The following ADAMTS17 variants were observed in gnomAD, a reference collection of about 807,000 sequenced individuals.
ADAMTS17 encodes the protein ADAM metallopeptidase with thrombospondin type 1 motif 17.
In ADAMTS17, 113 loss-of-function variants were observed where a neutral mutation model predicts 141.5. That is an observed-to-expected ratio of 0.80 (90% CI 0.69 to 0.93). The LOEUF (loss-of-function observed/expected upper bound fraction) is 0.93. Ranked by LOEUF, ADAMTS17 falls within the 40% of genes least tolerant of loss-of-function variation. The probability of loss-of-function intolerance (pLI) is 0.00; values close to 1 mark genes in which losing one functional copy is unlikely to be tolerated. For missense variants in ADAMTS17, 1,659 were observed against 1,517.9 expected (o/e 1.09, Z -1.54); for synonymous variants, 768 against 630.6 (o/e 1.22, Z -3.27).
intron 12 of ADAMTS17, among the ~76,000 whole-genome samples, chr15:100,131,644 A>G (rs754399766): frequency 1.3e-5 from 2 of 152,212 alleles, no homozygotes; most frequent in Non-Finnish European, 2.9e-5. Context: ...ATGAACCACC[A>G]GGCTGCTCCC....
At chr15:100,051,351 C>CCTAGTG (rs2032126853) in intron 17 of ADAMTS17, among the ~76,000 whole-genome samples, 1 of 152,200 alleles carries the variant, frequency 6.6e-6, no homozygotes, top group Non-Finnish European at 1.5e-5. Context: ...CTGTGGGGCC[C>CCTAGTG]TGGGCCCCAG....
intron 18 of ADAMTS17, among the ~76,000 whole-genome samples, chr15:100,039,924 G>C (rs535628764): frequency 1.3e-5 from 2 of 152,218 alleles, no homozygotes; most frequent in African/African-American, 4.8e-5. Flanking sequence ...GTATCTTCCT[G>C]ATGGATTGCC....
At chr15:100,310,827 C>A (rs8030793) in intron 3 of ADAMTS17, among the ~76,000 whole-genome samples, 20,617 of 152,170 alleles carry the variant, frequency 0.14, 1,812 homozygotes, top group African/African-American at 0.25. Context: ...AAGGTACCAG[C>A]TCCTTCAGCC....
At chr15:100,208,252 C>T (rs983809036) in intron 7 of ADAMTS17, among the ~76,000 whole-genome samples, 1 of 152,228 alleles carries the variant, frequency 6.6e-6, no homozygotes, top group Non-Finnish European at 1.5e-5. Flanking sequence ...CGGCAACAGG[C>T]ATTCCGGGTG....
At position 99,993,340 on chromosome 15, in the gene ADAMTS17, TC is replaced by T; in HGVS notation, c.2797-141del. On this transcript the variant is annotated intron_variant, in intron 19 of 21. Transcript: ENST00000268070. This position sits in a 1 kb window ranked among gnomAD's most constrained non-coding sequence, Gnocchi z 4.3. ...ACCCACACTTCTGTCCTCAAAAAGC[TC>T]CTGGTCTGCAGGGTCTTACGCACGT... 1 of 1,305,442 alleles carries T rather than the reference TC, an allele frequency of 7.7e-7. No homozygotes were observed. Among genetic ancestry groups the T allele is most frequent in the Non-Finnish European group, 1.1e-6 (1 of 922,300 alleles). The allele number at this position is 1,305,442 out of a possible 1,614,324, so 80.9% of individuals were successfully genotyped here. A position where few individuals can be genotyped will look rare whatever the true frequency, so the allele number is the denominator to read the frequency against.
chr15:100,221,011 T>C (rs573046424), intron 7 of ADAMTS17, among the ~76,000 whole-genome samples: 2 of 152,310 alleles, frequency 1.3e-5, no homozygotes, highest in East Asian at 3.9e-4. Context: ...TGTTTCCAAT[T>C]CTCTTGGGTA....
chr15:100,205,424 A>G (rs2041501476), intron 7 of ADAMTS17, among the ~76,000 whole-genome samples: 1 of 152,344 alleles, frequency 6.6e-6, no homozygotes, highest in East Asian at 1.9e-4. Context: ...AAAAGGCCAC[A>G]GCCAACTTGA....
At chr15:100,010,748 A>G (rs2141400369) in intron 18 of ADAMTS17, among the ~76,000 whole-genome samples, 1 of 152,328 alleles carries the variant, frequency 6.6e-6, no homozygotes. Context: ...AGATGTCTGC[A>G]AAGGAGTGAG....
chr15:100,219,069 T>A lies in ADAMTS17; in HGVS notation c.1076-19646A>T, dbSNP rs563804359. Reference sequence around the variant, plus strand: ...GCGTAGATGACCCCTGAAAACATTATGCCAAAAATGAAAAGAGCCAGGCAC... The same window carrying A: ...GCGTAGATGACCCCTGAAAACATTAAGCCAAAAATGAAAAGAGCCAGGCAC... On this transcript the variant is annotated intron_variant, in intron 7 of 21. Transcript: ENST00000268070. 1.5e-3 allele frequency among the ~76,000 whole-genome samples: 222 copies of A among 152,322 alleles called. 6 individuals carry two copies. The South Asian group carries it at 0.044, about 30-fold the overall frequency.
At chr15:99,994,461 A>AC (rs1430418140) in intron 19 of ADAMTS17, among the ~76,000 whole-genome samples, 1 of 151,960 alleles carries the variant, frequency 6.6e-6, no homozygotes, top group Non-Finnish European at 1.5e-5. Context: ...TTAAAAAAAA[A>AC]AAAAAAATCC....
intron 20 of ADAMTS17, among the ~76,000 whole-genome samples, chr15:99,977,340 C>A (rs1250234890): frequency 9.8e-6 from 1 of 101,656 alleles, no homozygotes; most frequent in Non-Finnish European, 1.8e-5. Flanking sequence ...GTTCTCCGTC[C>A]CTCCTCTTCA....
rs772504750 is a variant in ADAMTS17 at position 99,976,121 on chromosome 15, A to C, written c.3051T>G (p.Pro1017=). 4.5e-6 allele frequency: 7 copies of C among 1,551,328 alleles called. No homozygotes were observed. In the South Asian group the frequency reaches 8.3e-5, roughly 18 times the overall value. The change falls in exon 21 of 22, where the codon CCT becomes CCG. Residue 1017 remains proline (P), a synonymous_variant. Transcript: ENST00000268070. ...HGSECPALSK[P]APYRQCYQEV... is the part of the protein sequence containing the mutation. The stretch of plus-strand genomic sequence containing the variant: ...CCTGGTAGCACTGTCTGTAGGGGGC[A>C]GGCTTCGAGAGGGCGGGGCACTCGC...
intron 10 of ADAMTS17, among the ~76,000 whole-genome samples, chr15:100,141,956 C>T (rs2038677355): frequency 6.6e-6 from 1 of 152,228 alleles, no homozygotes; most frequent in Non-Finnish European, 1.5e-5. Context: ...GCTCCGGGAC[C>T]CCGCCAGCCA....
chr15:100,122,368 C>G (rs1369901818), intron 12 of ADAMTS17, among the ~76,000 whole-genome samples: 1 of 152,172 alleles, frequency 6.6e-6, no homozygotes, highest in African/African-American at 2.4e-5. Context: ...GAGAAGTAAT[C>G]CACTAGGTAC....
intron 15 of ADAMTS17, among the ~76,000 whole-genome samples, chr15:100,079,577 T>A (rs777037270): frequency 1.7e-4 from 26 of 152,174 alleles, no homozygotes; most frequent in Non-Finnish European, 3.2e-4. Context: ...GCATGGGGTT[T>A]CTTTTGGGAA....
Position 100,280,624 on chromosome 15 carries a change from G to A in ADAMTS17, c.789+605C>T, listed in dbSNP as rs577191512. On this transcript the variant is annotated intron_variant, in intron 4 of 21. Coordinates refer to ENST00000268070, the MANE Select transcript of ADAMTS17 (RefSeq NM_139057.4). ...CACACCCTTATGGCTCCCCGTTCCC[G>A]CCATGTCAAATGACTTGGTCCTTAA... 5.9e-5 allele frequency among the ~76,000 whole-genome samples: 9 copies of A among 152,160 alleles called. No homozygotes were observed. In the South Asian group the frequency reaches 6.2e-4, roughly 11 times the overall value.
At chr15:99,978,591 G>A (rs1329306086) in intron 20 of ADAMTS17, 1 of 152,242 alleles carries the variant, frequency 6.6e-6, no homozygotes, top group African/African-American at 2.4e-5. Flanking sequence ...CCAGACCTCA[G>A]GAGTCGGCAT....
Position 99,975,975 on chromosome 15 carries a change from C to G in ADAMTS17, c.3127+70G>C. On this transcript the variant is annotated intron_variant, in intron 21 of 21. Coordinates refer to ENST00000268070, the MANE Select transcript of ADAMTS17 (RefSeq NM_139057.4). ...GGCTTTCTGGCTGAAAGAACCTCAC[C>G]GTCAGGGAGGACTTACTGGGCAGGA... 4 of 1,475,320 alleles carry G rather than the reference C, an allele frequency of 2.7e-6. No individual in the cohort carries two copies. The Admixed American group carries it at 6.6e-5, about 25-fold the overall frequency. 91.4% of individuals were successfully genotyped at this position (1,475,320 alleles called of 1,614,324 possible). A position where few individuals can be genotyped will look rare whatever the true frequency, so the allele number is the denominator to read the frequency against.
intron 7 of ADAMTS17, among the ~76,000 whole-genome samples, chr15:100,210,403 T>C (rs1407355840): frequency 6.6e-6 from 1 of 152,130 alleles, no homozygotes; most frequent in African/African-American, 2.4e-5. Context: ...CACCACCACT[T>C]GGTGAGGTAC....
Sources: allele counts gnomAD v4.1 joint callset (sites outside exome capture counted in the v4.1 genomes callset), GRCh38; gene constraint gnomAD v4.1.1; non-coding constraint Gnocchi (gnomAD v3.1); transcripts MANE v1.5; gene names NCBI Gene and HGNC (gene_info 2026-07-23, HGNC 2026-07-21).